Variants in GRID2 observed in about 807,000 individuals in gnomAD.
GRID2 encodes the protein glutamate ionotropic receptor delta type subunit 2.
GRID2 carries 33 observed loss-of-function variants against 114.8 expected under a neutral mutation model. That is an observed-to-expected ratio of 0.29 (90% CI 0.22 to 0.38). The LOEUF (loss-of-function observed/expected upper bound fraction) is 0.38. Among genes scored for constraint, GRID2 ranks in the 10% least tolerant of loss-of-function variants. The pLI is 1.00. For missense variants in GRID2, 1,184 were observed against 1,257.7 expected (o/e 0.94, Z 0.89); for synonymous variants, 505 against 449.9 (o/e 1.12, Z -1.55).
At chr4:93,725,395 T>C (rs1233668251) in intron 14 of GRID2, among the ~76,000 whole-genome samples, 2 of 152,238 alleles carry the variant, frequency 1.3e-5, no homozygotes, top group Non-Finnish European at 2.9e-5. Flanking sequence ...GTTGGACATT[T>C]GGGTTGGTTC....
At chr4:92,982,043 AAAG>A (rs1163074252) in intron 2 of GRID2, among the ~76,000 whole-genome samples, 11 of 112,572 alleles carry the variant, frequency 9.8e-5, no homozygotes, top group Non-Finnish European at 7.8e-5. Flanking sequence ...AAAAAAAAAA[AAAG>A]AAAAAGAAAA....
chr4:93,715,162 T>C (rs1728803988), intron 14 of GRID2, among the ~76,000 whole-genome samples: 1 of 152,196 alleles, frequency 6.6e-6, no homozygotes, highest in South Asian at 2.1e-4. Context: ...TAACCAGTTC[T>C]TCCAGCAGCA....
intron 2 of GRID2, among the ~76,000 whole-genome samples, chr4:92,662,334 C>T (rs2149269939): frequency 6.6e-6 from 1 of 150,834 alleles, no homozygotes; most frequent in African/African-American, 2.4e-5. Context: ...TGGTGGCGCT[C>T]CAAAAATGAC....
intron 2 of GRID2, among the ~76,000 whole-genome samples, chr4:92,874,201 G>A (rs982222200): frequency 3.9e-5 from 6 of 152,150 alleles, no homozygotes; most frequent in Non-Finnish European, 8.8e-5. Flanking sequence ...GGGCTCTTTT[G>A]TAGCAGTCTG....
intron 12 of GRID2, among the ~76,000 whole-genome samples, chr4:93,493,542 T>C (rs1727230703): frequency 6.6e-6 from 1 of 151,680 alleles, no homozygotes; most frequent in Non-Finnish European, 1.5e-5. Flanking sequence ...CAAATTCTTT[T>C]TTTTTTCTTT....
chr4:92,473,164 A>C (rs1722125737), intron 1 of GRID2, among the ~76,000 whole-genome samples: 1 of 152,096 alleles, frequency 6.6e-6, no homozygotes, highest in South Asian at 2.1e-4. Context: ...TTCTTCACTG[A>C]ATCCCCTTCA....
rs537010337 is a variant in GRID2 at position 92,838,318 on chromosome 4, T to C, written c.245-246677T>C. Among the ~76,000 whole-genome samples the C allele has an allele frequency of 4.6e-5, 7 of 152,244 alleles. No homozygotes were observed. In the South Asian group the frequency reaches 1.0e-3, roughly 23 times the overall value. ...TGAATTTTGATATAATATTTATAAA[T>C]ATTTTAGTAGTTACCATTTACCAGA... On this transcript the variant is annotated intron_variant, in intron 2 of 15. Coordinates refer to ENST00000282020, the MANE Select transcript of GRID2 (RefSeq NM_001510.4).
intron 3 of GRID2, among the ~76,000 whole-genome samples, chr4:93,087,293 G>A (rs1489550504): frequency 6.6e-6 from 1 of 151,940 alleles, no homozygotes; most frequent in Non-Finnish European, 1.5e-5. Flanking sequence ...ACCCACCTCG[G>A]CCTCCCAAAG....
intron 2 of GRID2, among the ~76,000 whole-genome samples, chr4:92,827,980 A>G (rs1741844513): frequency 6.6e-6 from 1 of 152,038 alleles, no homozygotes; most frequent in East Asian, 1.9e-4. Flanking sequence ...ATATCTCCAC[A>G]AATGATCAGA....
intron 2 of GRID2, among the ~76,000 whole-genome samples, chr4:92,785,754 T>A (rs539145024): frequency 2.0e-5 from 3 of 151,932 alleles, no homozygotes; most frequent in South Asian, 4.1e-4. Context: ...TGGGAAAACA[T>A]GCTGTCAAAC....
intron 14 of GRID2, among the ~76,000 whole-genome samples, chr4:93,768,837 C>T (rs1733886461): frequency 6.6e-6 from 1 of 152,098 alleles, no homozygotes; most frequent in South Asian, 2.1e-4. Context: ...AGAACTACAA[C>T]AACTTGAAAG....
chr4:93,654,323 A>G (rs1395052274), intron 14 of GRID2, among the ~76,000 whole-genome samples: 1 of 152,174 alleles, frequency 6.6e-6, no homozygotes, highest in African/African-American at 2.4e-5. Context: ...TGCAGAGTGC[A>G]TTTAGTAATT....
At chr4:93,051,640 A>G (rs1416165873) in intron 2 of GRID2, among the ~76,000 whole-genome samples, 1 of 152,026 alleles carries the variant, frequency 6.6e-6, no homozygotes, top group Non-Finnish European at 1.5e-5. Flanking sequence ...TTCTGAAAGG[A>G]GTATCTTTCC....
intron 2 of GRID2, among the ~76,000 whole-genome samples, chr4:92,655,379 T>C (rs561903028): frequency 3.1e-4 from 47 of 152,086 alleles, no homozygotes; most frequent in Non-Finnish European, 5.9e-4. Context: ...TGTGTTGTTC[T>C]ATACTAATTT....
At chr4:92,895,384 C>CAT (rs10528035) in intron 2 of GRID2, among the ~76,000 whole-genome samples, 2,482 of 108,120 alleles carry the variant, frequency 0.023, 65 homozygotes, top group South Asian at 0.027. Flanking sequence ...ATGTAGAAAA[C>CAT]ATATATATAT....
At chr4:92,922,043 A>G (rs775405379) in intron 2 of GRID2, among the ~76,000 whole-genome samples, 4 of 152,162 alleles carry the variant, frequency 2.6e-5, no homozygotes, top group Non-Finnish European at 5.9e-5. Context: ...AGCCTGGGCA[A>G]TTGTGGGAGC....
intron 14 of GRID2, among the ~76,000 whole-genome samples, chr4:93,738,201 T>G (rs1004968506): frequency 6.6e-6 from 1 of 152,092 alleles, no homozygotes; most frequent in Non-Finnish European, 1.5e-5. Context: ...TTAGTGTAAT[T>G]AGAGAGACTC....
At chr4:93,574,881 T>C (rs992120124) in intron 13 of GRID2, among the ~76,000 whole-genome samples, 1 of 152,238 alleles carries the variant, frequency 6.6e-6, no homozygotes, top group Admixed American at 6.5e-5. Context: ...TTCTCAACTC[T>C]ATAAAGTCTA....
At chr4:92,818,620 G>A (rs1741065646) in intron 2 of GRID2, among the ~76,000 whole-genome samples, 1 of 152,108 alleles carries the variant, frequency 6.6e-6, no homozygotes, top group South Asian at 2.1e-4. Flanking sequence ...GCAAATATAT[G>A]AGGAAGTCAG....
Sources: gnomAD v4.1 joint callset for allele counts (sites outside exome capture counted in the v4.1 genomes callset) on GRCh38, gnomAD v4.1.1 for gene constraint, MANE v1.5 for transcripts, NCBI Gene and HGNC (gene_info 2026-07-23, HGNC 2026-07-21) for gene names.